TMEM132C: variants seen among roughly 807,000 people sequenced by gnomAD.
TMEM132C encodes the protein protein phosphatase 1, regulatory subunit 152.
TMEM132C carries 29 observed loss-of-function variants against 61.4 expected under a neutral mutation model. The observed-to-expected ratio is 0.47, with a 90% CI of 0.35 to 0.64. The LOEUF is 0.64. Ranked by LOEUF, TMEM132C falls within the 30% of genes least tolerant of loss-of-function variation. The pLI, the probability that TMEM132C is intolerant of heterozygous loss-of-function variation, is 0.00. For synonymous variants in TMEM132C, 656 were observed against 633.1 expected (o/e 1.04, Z -0.54); for missense variants, 1,408 against 1,476.9 (o/e 0.95, Z 0.76).
intron 1 of TMEM132C, among the ~76,000 whole-genome samples, chr12:128,284,821 G>T (rs944055822): frequency 2.0e-5 from 3 of 152,146 alleles, no homozygotes; most frequent in Non-Finnish European, 1.5e-5. Flanking sequence ...TAAGGCTATG[G>T]TATCTCATAG....
At chr12:128,386,153 C>T (rs2135995379) in intron 1 of TMEM132C, among the ~76,000 whole-genome samples, 1 of 152,344 alleles carries the variant, frequency 6.6e-6, no homozygotes, top group Middle Eastern at 3.4e-3. Context: ...CTGAAAGCCA[C>T]TCCTTAGCCA....
chr12:128,375,720 T>C (rs879430673), intron 1 of TMEM132C, among the ~76,000 whole-genome samples: 3 of 152,118 alleles, frequency 2.0e-5, no homozygotes, highest in African/African-American at 4.8e-5. Context: ...TTGAGGGACA[T>C]AATTCAACAC....
intron 2 of TMEM132C, among the ~76,000 whole-genome samples, chr12:128,517,265 TAAAC>T (rs1555229199): frequency 7.3e-6 from 1 of 136,512 alleles, no homozygotes; most frequent in African/African-American, 3.0e-5. Flanking sequence ...AATAAATAAA[TAAAC>T]AAACAAATAT....
intron 1 of TMEM132C, among the ~76,000 whole-genome samples, chr12:128,317,465 G>A (rs1033720832): frequency 2.6e-5 from 4 of 152,190 alleles, no homozygotes; most frequent in East Asian, 1.9e-4. Flanking sequence ...AAACAAACCC[G>A]CCCACAAACA....
intron 1 of TMEM132C, among the ~76,000 whole-genome samples, chr12:128,358,339 G>A (rs972580755): frequency 1.3e-5 from 2 of 152,138 alleles, no homozygotes; most frequent in African/African-American, 4.8e-5. Context: ...AAGAACCCAC[G>A]GATTGGACTG....
rs1213359409 is a variant in TMEM132C, at chr12:128,694,058, C to T, written c.1655+24C>T. The T allele has an allele frequency of 5.8e-6, 9 of 1,548,920 alleles. No individual in the cohort carries two copies. The South Asian group carries it at 1.1e-4, about 18-fold the overall frequency. Reference sequence around the variant, plus strand: ...AGGTGAGCCTCGGATGGGGAGATGCCCTAGAGCCAAAACAACAACTTTATT... The same window carrying T: ...AGGTGAGCCTCGGATGGGGAGATGCTCTAGAGCCAAAACAACAACTTTATT... On this transcript the variant is annotated intron_variant, in intron 6 of 8. Transcript: ENST00000435159.
chr12:128,589,741 T>C (rs1178775140), intron 3 of TMEM132C, among the ~76,000 whole-genome samples: 2 of 151,428 alleles, frequency 1.3e-5, no homozygotes, highest in Non-Finnish European at 2.9e-5. Flanking sequence ...TGGATTGGAA[T>C]AAGCCTGGAT....
intron 2 of TMEM132C, among the ~76,000 whole-genome samples, chr12:128,436,249 C>A (rs1486238296): frequency 1.3e-5 from 2 of 152,174 alleles, no homozygotes; most frequent in Admixed American, 1.3e-4. Context: ...GCAAGGACTT[C>A]ATGACTAAAA....
chr12:128,345,494 A>C (rs909314133), intron 1 of TMEM132C, among the ~76,000 whole-genome samples: 1 of 152,200 alleles, frequency 6.6e-6, no homozygotes, highest in Non-Finnish European at 1.5e-5. Context: ...TGTCTTCCAC[A>C]ATGATTGAAC....
At chr12:128,610,760 A>G (rs1227404603) in intron 3 of TMEM132C, among the ~76,000 whole-genome samples, 1 of 152,156 alleles carries the variant, frequency 6.6e-6, no homozygotes, top group Non-Finnish European at 1.5e-5. Flanking sequence ...AAGATTTCTT[A>G]TTTTTTTAGT....
chr12:128,525,090 C>A (rs986944555), intron 2 of TMEM132C, among the ~76,000 whole-genome samples: 2 of 152,206 alleles, frequency 1.3e-5, no homozygotes, highest in Non-Finnish European at 2.9e-5. Flanking sequence ...CTAAGAGAAG[C>A]CTGATGCTGT....
In TMEM132C at chr12:128,326,977, T is replaced by C. The variant is rs956957028; in HGVS notation, c.85+59490T>C. On this transcript the variant is annotated intron_variant, in intron 1 of 8. Transcript: ENST00000435159. This position sits in a 1 kb window ranked among gnomAD's most constrained non-coding sequence, Gnocchi z 5.6. ...CGACTATTTAAGTAAAATTTACTTT[T>C]AGTGGTGTAATTTTTCCTTTTAGGT... Among the ~76,000 whole-genome samples the C allele has an allele frequency of 6.7e-6, 1 of 150,006 alleles. No individual in the cohort carries two copies. Among genetic ancestry groups the C allele is most frequent in the South Asian group, 2.1e-4 (1 of 4,830 alleles).
chr12:128,667,422 A>T (rs988283176), intron 4 of TMEM132C, among the ~76,000 whole-genome samples: 10 of 152,286 alleles, frequency 6.6e-5, no homozygotes, highest in Admixed American at 2.6e-4. Context: ...CATAATAGAC[A>T]TTGTGCAAGC....
chr12:128,544,206 G>A, intron 3 of TMEM132C, 103 bp downstream of exon 3: 3 of 1,396,738 alleles, frequency 2.1e-6, no homozygotes, highest in Non-Finnish European at 2.8e-6. Flanking sequence ...CGGCTGCTCA[G>A]AGGAGCTATT....
chr12:128,506,632 G>C (rs1872370068), intron 2 of TMEM132C, among the ~76,000 whole-genome samples: 1 of 152,134 alleles, frequency 6.6e-6, no homozygotes, highest in South Asian at 2.1e-4. Context: ...GCCTTAACCT[G>C]CCTGGCTTCC....
intron 1 of TMEM132C, among the ~76,000 whole-genome samples, chr12:128,412,034 T>C (rs1191927585): frequency 6.6e-6 from 1 of 152,244 alleles, no homozygotes; most frequent in Admixed American, 6.5e-5. Flanking sequence ...TCACTATCAT[T>C]CAATGTTTGT....
chr12:128,633,504 T>C (rs1280787634), intron 4 of TMEM132C, among the ~76,000 whole-genome samples: 1 of 152,210 alleles, frequency 6.6e-6, no homozygotes, highest in Non-Finnish European at 1.5e-5. Context: ...ATCTTGAGTT[T>C]CAAAAACTTT....
Position 128,415,525 on chromosome 12 carries a change from C to T in TMEM132C, c.879C>T (p.Val293=). 2 of 1,551,476 alleles carry T rather than the reference C, an allele frequency of 1.3e-6. No homozygotes were observed. The highest frequency in any genetic ancestry group is 8.7e-7 in the Non-Finnish European group (1 of 1,146,990). ...AGCTGCGTTTGGATGGTAACGTGGT[C>T]ATCTGGCTGCCTTCCAGGCCAGTCA... The part of the protein sequence containing the change: ...LSELRLDGNV[V]IWLPSRPVKQ... Residue 293 remains valine, a synonymous_variant, in exon 2 of 9, where the codon GTC becomes GTT. Coordinates refer to ENST00000435159, the MANE Select transcript of TMEM132C (RefSeq NM_001136103.3). The surrounding 1 kb of genome is among the most constrained non-coding windows in gnomAD (Gnocchi z 5.8).
At chr12:128,318,272 A>G (rs1489147811) in intron 1 of TMEM132C, among the ~76,000 whole-genome samples, 1 of 152,212 alleles carries the variant, frequency 6.6e-6, no homozygotes, top group African/African-American at 2.4e-5. Context: ...CTTTATCAGT[A>G]ATGAAAAACA....
Sources: gnomAD v4.1 joint callset for allele counts (sites outside exome capture counted in the v4.1 genomes callset) on GRCh38, gnomAD v4.1.1 for gene constraint, Gnocchi (gnomAD v3.1) non-coding constraint, MANE v1.5 for transcripts, NCBI Gene and HGNC (gene_info 2026-07-23, HGNC 2026-07-21) for gene names.